The following SERINC5 variants were observed in gnomAD, a reference collection of about 807,000 sequenced individuals.
The protein encoded by SERINC5 is serine incorporator 5.
A neutral mutation model predicts 63.1 loss-of-function variants in SERINC5; 41 were observed. That is an observed-to-expected ratio of 0.65 (90% confidence interval 0.51 to 0.84). The LOEUF (loss-of-function observed/expected upper bound fraction) is 0.84, where lower values mean the gene tolerates loss of function less well. SERINC5 is among the 40% of genes least tolerant of loss of function. The pLI is 0.00. For missense variants in SERINC5, 523 were observed against 573.0 expected (o/e 0.91, Z 0.89); for synonymous variants, 222 against 215.2 (o/e 1.03, Z -0.28).
chr5:80,232,133 G>GCA lies in SERINC5; in HGVS notation c.27+23762_27+23763insTG, dbSNP rs1445992199. ...AAAAAAAAAAAAAAAGGCCGGGCAA[G>GCA]GTGGCTCACGCCTGTAATCCCAGCA... On this transcript the variant is annotated intron_variant, in intron 1 of 11. Coordinates refer to ENST00000507668, the MANE Select transcript of SERINC5 (RefSeq NM_001174072.3). 3.1e-4 allele frequency among the ~76,000 whole-genome samples: 47 copies of GCA among 150,084 alleles called. No individual in the cohort carries two copies. In the South Asian group the frequency reaches 5.9e-3, roughly 19 times the overall value.
chr5:80,170,844 T>C (rs1215636469), intron 5 of SERINC5, among the ~76,000 whole-genome samples: 3 of 152,098 alleles, frequency 2.0e-5, no homozygotes, highest in Non-Finnish European at 4.4e-5. Context: ...GGCAAAACCT[T>C]GTCTCTACAA....
intron 1 of SERINC5, among the ~76,000 whole-genome samples, chr5:80,240,515 TG>T (rs374725977): frequency 2.6e-5 from 4 of 152,248 alleles, no homozygotes; most frequent in African/African-American, 7.2e-5. Flanking sequence ...GTGGTTTCAT[TG>T]TGCAGTTCTG....
chr5:80,242,533 C>T (rs939506606), intron 1 of SERINC5, among the ~76,000 whole-genome samples: 2 of 152,004 alleles, frequency 1.3e-5, no homozygotes, highest in South Asian at 2.1e-4. Flanking sequence ...GGGTGGATCA[C>T]GAGGTCAAGA....
chr5:80,156,165 C>T (rs1746506817), intron 8 of SERINC5, among the ~76,000 whole-genome samples: 1 of 152,160 alleles, frequency 6.6e-6, no homozygotes, highest in Admixed American at 6.6e-5. Flanking sequence ...TATCTATAGT[C>T]TCTGGCTTCC....
intron 11 of SERINC5, among the ~76,000 whole-genome samples, chr5:80,120,117 A>T (rs2112231134): frequency 6.6e-6 from 1 of 152,328 alleles, no homozygotes; most frequent in East Asian, 1.9e-4. Context: ...AATGATAATT[A>T]TGTAAAGTGC....
chr5:80,183,088 T>A (rs1342365662), intron 2 of SERINC5, among the ~76,000 whole-genome samples: 1 of 151,650 alleles, frequency 6.6e-6, no homozygotes, highest in Non-Finnish European at 1.5e-5. Flanking sequence ...GAAGACGTGG[T>A]GAAAGGGTAC....
intron 6 of SERINC5, among the ~76,000 whole-genome samples, chr5:80,167,436 G>A (rs368243396): frequency 1.3e-5 from 2 of 152,084 alleles, no homozygotes; most frequent in African/African-American, 2.4e-5. Flanking sequence ...TGGCTACACC[G>A]TATTCCATAG....
Position 80,182,153 on chromosome 5 carries a change from C to T in SERINC5, c.196-4089G>A, listed in dbSNP as rs191099099. On this transcript the variant is annotated intron_variant, in intron 2 of 11. Transcript: ENST00000507668. ...CTAAGAAGAATTGGCTCCCTGGGAACTCCACATAGCTGGTGGCTTTTGTAA... is the reference window on the plus strand; with the variant it reads ...CTAAGAAGAATTGGCTCCCTGGGAATTCCACATAGCTGGTGGCTTTTGTAA... 5.9e-5 allele frequency among the ~76,000 whole-genome samples: 9 copies of T among 152,266 alleles called. No individual in the cohort carries two copies. The East Asian group carries it at 1.5e-3, about 26-fold the overall frequency.
chr5:80,166,026 C>T (rs1747274711), intron 7 of SERINC5, among the ~76,000 whole-genome samples: 1 of 152,136 alleles, frequency 6.6e-6, no homozygotes, highest in Admixed American at 6.5e-5. Flanking sequence ...TGTTTTAATA[C>T]AGGTGTGAAA....
chr5:80,227,886 A>C (rs564375961), intron 1 of SERINC5, among the ~76,000 whole-genome samples: 2 of 151,960 alleles, frequency 1.3e-5, no homozygotes, highest in South Asian at 2.1e-4. Flanking sequence ...CAAGGTAAGA[A>C]GGTTTAAAAG....
At chr5:80,223,723 T>C (rs1366547468) in intron 1 of SERINC5, among the ~76,000 whole-genome samples, 1 of 152,188 alleles carries the variant, frequency 6.6e-6, no homozygotes, top group Non-Finnish European at 1.5e-5. Context: ...TTTGAAAGAA[T>C]GCATTCCTGA....
chr5:80,219,472 A>G (rs1016751861), intron 1 of SERINC5, among the ~76,000 whole-genome samples: 13 of 152,122 alleles, frequency 8.5e-5, no homozygotes, highest in African/African-American at 2.9e-4. Flanking sequence ...GAAGGAACGA[A>G]TAGGTGTGTG....
At chr5:80,242,336 G>A (rs1400945700) in intron 1 of SERINC5, among the ~76,000 whole-genome samples, 1 of 152,114 alleles carries the variant, frequency 6.6e-6, no homozygotes, top group South Asian at 2.1e-4. Context: ...TAGAAAAATA[G>A]GTCAGGTGTG....
rs368356633 is a variant in SERINC5, at chr5:80,246,848, A to G, written c.27+9048T>C. 3.3e-5 allele frequency among the ~76,000 whole-genome samples: 5 copies of G among 152,360 alleles called. No individual in the cohort carries two copies. In the South Asian group the frequency reaches 6.2e-4, roughly 19 times the overall value. On this transcript the variant is annotated intron_variant, in intron 1 of 11. Coordinates refer to ENST00000507668, the MANE Select transcript of SERINC5 (RefSeq NM_001174072.3). ...ATTCTCACTGTAAATGTTTTAAAAT[A>G]CATTTTAAGCAGGGCAGCAAAGGTT...
intron 1 of SERINC5, among the ~76,000 whole-genome samples, chr5:80,211,705 T>C (rs1750439203): frequency 6.6e-6 from 1 of 152,250 alleles, no homozygotes; most frequent in African/African-American, 2.4e-5. Context: ...CTGATTTTTC[T>C]TTAGCTTACA....
chr5:80,200,976 G>A (rs1189660147), intron 2 of SERINC5, among the ~76,000 whole-genome samples: 5 of 152,046 alleles, frequency 3.3e-5, no homozygotes, highest in South Asian at 4.1e-4. Flanking sequence ...GCACGCGCCT[G>A]TAATCCCAAC....
intron 11 of SERINC5, among the ~76,000 whole-genome samples, chr5:80,131,018 A>T (rs1744925488): frequency 6.6e-6 from 1 of 152,244 alleles, no homozygotes; most frequent in South Asian, 2.1e-4. Context: ...GTGAAATCTT[A>T]CATAGAATAG....
intron 7 of SERINC5, 68 bp from the exon 8 acceptor site, chr5:80,159,030 A>G (rs1746719039): frequency 2.5e-6 from 4 of 1,570,166 alleles, no homozygotes; most frequent in Non-Finnish European, 2.6e-6. Flanking sequence ...AGAAGCACTC[A>G]TTTTGGGAAA....
rs4704617 is a variant in SERINC5, at chr5:80,140,636, G to A, written c.*3027C>T. ...TTAAAAAGCTAGACACAGTAAAGAC[G>A]TGGTTGGGTTTCTGAAGGCTTATAA... On this transcript the variant is annotated 3_prime_UTR_variant, in exon 12 of 12. Coordinates refer to ENST00000507668, the MANE Select transcript of SERINC5 (RefSeq NM_001174072.3). The A allele has an allele frequency of 0.3, 290,545 of 984,604 alleles. 45,052 individuals carry two copies. Among genetic ancestry groups the A allele is most frequent in the Admixed American group, 0.34 (5,584 of 16,222 alleles). 61.0% of individuals were successfully genotyped at this position (984,604 alleles called of 1,614,324 possible).
Sources: allele counts gnomAD v4.1 joint callset (sites outside exome capture counted in the v4.1 genomes callset), GRCh38; gene constraint gnomAD v4.1.1; transcripts MANE v1.5; gene names NCBI Gene and HGNC (gene_info 2026-07-23, HGNC 2026-07-21).